Variants in PAK5 observed in about 807,000 individuals in gnomAD.
PAK5 encodes the protein serine/threonine-protein kinase PAK 5.
A neutral mutation model predicts 65.9 loss-of-function variants in PAK5; 16 were observed. The ratio of observed to expected loss-of-function variants is 0.24; its 90% CI spans 0.16 to 0.37. The LOEUF (loss-of-function observed/expected upper bound fraction) is 0.37, where lower values mean the gene tolerates loss of function less well. Ranked by LOEUF, PAK5 falls within the 10% of genes least tolerant of loss-of-function variation. PAK5 has a pLI of 1.00. For missense variants in PAK5, 785 were observed against 903.9 expected, an observed-to-expected ratio of 0.87 and a Z score of 1.69; for synonymous variants, 371 against 354.9, an observed-to-expected ratio of 1.05 and a Z score of -0.51.
At chr20:9,582,895 G>A (rs1158346004) in intron 3 of PAK5, among the ~76,000 whole-genome samples, 1 of 151,984 alleles carries the variant, frequency 6.6e-6, no homozygotes, top group African/African-American at 2.4e-5. Context: ...TTTGTCACTG[G>A]GAGTTCTCTC....
At chr20:9,659,092 T>C (rs2047309216) in intron 2 of PAK5, among the ~76,000 whole-genome samples, 1 of 152,212 alleles carries the variant, frequency 6.6e-6, no homozygotes, top group Non-Finnish European at 1.5e-5. Flanking sequence ...GTTGTTCTCA[T>C]CTAATTATCA....
intron 1 of PAK5, among the ~76,000 whole-genome samples, chr20:9,766,031 G>A (rs1161374368): frequency 2.6e-5 from 4 of 151,946 alleles, no homozygotes; most frequent in African/African-American, 9.7e-5. Flanking sequence ...AGACCATCCT[G>A]GCCAAAATGG....
At chr20:9,693,940 T>C (rs778017655) in intron 2 of PAK5, among the ~76,000 whole-genome samples, 2 of 152,088 alleles carry the variant, frequency 1.3e-5, no homozygotes, top group South Asian at 2.1e-4. Context: ...TAACTGTATA[T>C]AGAGTTATTC....
chr20:9,547,174 T>C (rs2045357820), intron 7 of PAK5, among the ~76,000 whole-genome samples: 1 of 152,116 alleles, frequency 6.6e-6, no homozygotes, highest in Non-Finnish European at 1.5e-5. Flanking sequence ...CAAGCAACAC[T>C]GAGGATTGCC....
chr20:9,666,825 A>G (rs2047426613), intron 2 of PAK5, among the ~76,000 whole-genome samples: 1 of 152,198 alleles, frequency 6.6e-6, no homozygotes, highest in South Asian at 2.1e-4. Flanking sequence ...TATTGTTACT[A>G]TTCTTAGTTT....
At chr20:9,771,393 G>A (rs1331131476) in intron 1 of PAK5, among the ~76,000 whole-genome samples, 1 of 150,450 alleles carries the variant, frequency 6.6e-6, no homozygotes, top group Non-Finnish European at 1.5e-5. Flanking sequence ...AGAAAGAGCA[G>A]ATCTATAATT....
chr20:9,647,193 G>C (rs542569957), intron 2 of PAK5, among the ~76,000 whole-genome samples: 1 of 152,202 alleles, frequency 6.6e-6, no homozygotes, highest in Non-Finnish European at 1.5e-5. Context: ...TAACTCAAAG[G>C]AGTTTTGATT....
At chr20:9,621,583 G>GA (rs1282212321) in intron 3 of PAK5, among the ~76,000 whole-genome samples, 3 of 151,760 alleles carry the variant, frequency 2.0e-5, no homozygotes, top group Non-Finnish European at 4.4e-5. Context: ...TTCTAAGAAT[G>GA]AAAAAAACTC....
At chr20:9,540,847 C>A (rs2045250727) in intron 9 of PAK5, among the ~76,000 whole-genome samples, 1 of 152,000 alleles carries the variant, frequency 6.6e-6, no homozygotes, top group Admixed American at 6.6e-5. Context: ...CGCCATTCTC[C>A]TGCCTCAGCC....
chr20:9,540,984 C>A (rs1301020986), intron 9 of PAK5, among the ~76,000 whole-genome samples: 4 of 152,218 alleles, frequency 2.6e-5, no homozygotes, highest in African/African-American at 9.6e-5. Context: ...GATCCGCCCA[C>A]CTCGGCCTTC....
intron 1 of PAK5, among the ~76,000 whole-genome samples, chr20:9,778,826 A>G (rs1344072376): frequency 6.6e-6 from 1 of 152,206 alleles, no homozygotes; most frequent in Non-Finnish European, 1.5e-5. Context: ...AAATAATTAT[A>G]AAGTGAACTC....
intron 6 of PAK5, among the ~76,000 whole-genome samples, chr20:9,561,365 T>C (rs2122970971): frequency 6.6e-6 from 1 of 152,360 alleles, no homozygotes; most frequent in South Asian, 2.1e-4. Flanking sequence ...TATATTTTTA[T>C]TTTTTGCTTT....
At chr20:9,587,605 C>G (rs966645110) in intron 3 of PAK5, among the ~76,000 whole-genome samples, 6 of 152,012 alleles carry the variant, frequency 3.9e-5, no homozygotes, top group Non-Finnish European at 7.4e-5. Context: ...CAGTCCAGTG[C>G]TTCTCAAACT....
intron 4 of PAK5, among the ~76,000 whole-genome samples, chr20:9,567,734 T>C (rs2045706243): frequency 6.6e-6 from 1 of 152,122 alleles, no homozygotes; most frequent in Non-Finnish European, 1.5e-5. Context: ...CCTCCTGGGG[T>C]TTATGCTCCA....
chr20:9,720,780 G>T (rs1343298948), intron 1 of PAK5, among the ~76,000 whole-genome samples: 1 of 152,094 alleles, frequency 6.6e-6, no homozygotes, highest in Non-Finnish European at 1.5e-5. Flanking sequence ...ACAGAAAAAA[G>T]AATAAAGTAC....
At chr20:9,738,498 T>C (rs1377969830) in intron 1 of PAK5, among the ~76,000 whole-genome samples, 1 of 152,088 alleles carries the variant, frequency 6.6e-6, no homozygotes, top group African/African-American at 2.4e-5. Context: ...TAGAATAAAA[T>C]ATTGACACAT....
At chr20:9,831,585 G>A (rs1978720254) in intron 1 of PAK5, among the ~76,000 whole-genome samples, 1 of 152,142 alleles carries the variant, frequency 6.6e-6, no homozygotes, top group African/African-American at 2.4e-5. Context: ...TTGGCTCACT[G>A]CAACCTCCAC....
intron 1 of PAK5, among the ~76,000 whole-genome samples, chr20:9,837,295 AT>A (rs1979229499): frequency 6.6e-6 from 1 of 152,172 alleles, no homozygotes; most frequent in Admixed American, 6.5e-5. Flanking sequence ...ACTTAAATGC[AT>A]TTTCCTTATG....
chr20:9,544,048 A>T (rs368609016), intron 8 of PAK5, among the ~76,000 whole-genome samples: 1 of 152,192 alleles, frequency 6.6e-6, no homozygotes. Context: ...GTCTCCAGCC[A>T]CTTTGCAAGT....
Sources: gnomAD v4.1 joint callset for allele counts (sites outside exome capture counted in the v4.1 genomes callset) on GRCh38, gnomAD v4.1.1 for gene constraint, MANE v1.5 for transcripts, NCBI Gene and HGNC (gene_info 2026-07-23, HGNC 2026-07-21) for gene names.